Variants in DNAI1 observed in about 807,000 individuals in gnomAD.
DNAI1 encodes dynein, axonemal, intermediate polypeptide 1.
Under a neutral mutation model 92.0 loss-of-function variants are expected in DNAI1, and 67 were observed. That is an observed-to-expected ratio of 0.73 (90% CI 0.60 to 0.89). The LOEUF (loss-of-function observed/expected upper bound fraction) is 0.89, where lower values mean the gene tolerates loss of function less well. DNAI1 is among the 40% of genes least tolerant of loss of function. The probability of loss-of-function intolerance (pLI) is 0.00; values close to 1 mark genes in which losing one functional copy is unlikely to be tolerated. For missense variants in DNAI1, 839 were observed against 866.6 expected (o/e 0.97, Z 0.40); for synonymous variants, 323 against 319.6 (o/e 1.01, Z -0.11).
At chr9:34,495,892 C>T (rs1430961611) in intron 9 of DNAI1, among the ~76,000 whole-genome samples, 2 of 152,180 alleles carry the variant, frequency 1.3e-5, no homozygotes, top group African/African-American at 4.8e-5. Flanking sequence ...AGGTCCGTGA[C>T]TGCAAGACTC....
intron 1 of DNAI1, among the ~76,000 whole-genome samples, chr9:34,470,813 A>G (rs868121147): frequency 9.2e-5 from 14 of 152,234 alleles, no homozygotes; most frequent in African/African-American, 3.1e-4. Flanking sequence ...AGGATGAGCC[A>G]TATACTGGGA....
At chr9:34,490,612 A>G in intron 7 of DNAI1, 124 bp downstream of exon 7, 1 of 1,359,176 alleles carries the variant, frequency 7.4e-7, no homozygotes, top group Non-Finnish European at 1.0e-6. Context: ...CAGATGCTAC[A>G]GCTTATCTCC....
Position 34,517,486 on chromosome 9 carries a change from T to A in DNAI1, c.2001+19T>A, listed in dbSNP as rs144066349. The A allele has an allele frequency of 5.3e-4, 853 of 1,614,100 alleles. 6 individuals carry two copies. The African/African-American group carries it at 9.7e-3, about 18-fold the overall frequency. On this transcript the variant is annotated intron_variant, in intron 19 of 19. Transcript: ENST00000242317. ...GCCAAAGGTACAGGCTCTGGGACTT[T>A]GAGCTGCTGCAAGACGTAAAGTCTC...
intron 8 of DNAI1, among the ~76,000 whole-genome samples, chr9:34,492,503 T>G (rs1214445568): frequency 0.011 from 505 of 47,974 alleles, 36 homozygotes; most frequent in African/African-American, 0.026. Flanking sequence ...GATATATATA[T>G]ATATATATAT....
At chr9:34,467,063 C>T (rs976602212) in intron 1 of DNAI1, among the ~76,000 whole-genome samples, 2 of 152,190 alleles carry the variant, frequency 1.3e-5, no homozygotes, top group Admixed American at 6.5e-5. Context: ...AGGAGGTATT[C>T]TCTTTGCTCA....
At chr9:34,497,012 C>G in intron 9 of DNAI1, 103 bp from the exon 10 acceptor site, 1 of 892,664 alleles carries the variant, frequency 1.1e-6, no homozygotes, top group Non-Finnish European at 1.9e-6. Flanking sequence ...TGAGTAGTGC[C>G]AGAGAGCTAC....
Position 34,464,254 on chromosome 9 carries a change from TG to T in DNAI1, c.48+5202del, listed in dbSNP as rs202214314. ...GATCTTTTCAAACTGTCAATCTGAT[TG>T]TGCCATCCCCCACTCAGAACACTTC... is the stretch of plus-strand genomic sequence containing the variant. On this transcript the variant is annotated intron_variant, in intron 1 of 19. Coordinates refer to ENST00000242317, the MANE Select transcript of DNAI1 (RefSeq NM_012144.4). 6.8e-3 allele frequency among the ~76,000 whole-genome samples: 1,033 copies of T among 152,278 alleles called. 13 individuals carry two copies. Among genetic ancestry groups the T allele is most frequent in the African/African-American group, 0.023 (946 of 41,550 alleles).
At chr9:34,473,488 C>T (rs1225970057) in intron 1 of DNAI1, among the ~76,000 whole-genome samples, 1 of 151,990 alleles carries the variant, frequency 6.6e-6, no homozygotes, top group Non-Finnish European at 1.5e-5. Context: ...GACAGGGTTT[C>T]GCCCTGTTGG....
chr9:34,496,313 G>GC (rs1363444022), intron 9 of DNAI1, among the ~76,000 whole-genome samples: 1 of 152,214 alleles, frequency 6.6e-6, no homozygotes, highest in East Asian at 1.9e-4. Flanking sequence ...GGAGCCATGG[G>GC]CCTGGCCCCC....
intron 1 of DNAI1, among the ~76,000 whole-genome samples, chr9:34,463,409 T>G (rs1377039467): frequency 6.6e-6 from 1 of 152,232 alleles, no homozygotes; most frequent in Non-Finnish European, 1.5e-5. Context: ...TGCTTGAATG[T>G]CAGGAACCAT....
At chr9:34,487,264 C>A (rs1451503582) in intron 4 of DNAI1, among the ~76,000 whole-genome samples, 1 of 151,996 alleles carries the variant, frequency 6.6e-6, no homozygotes, top group Non-Finnish European at 1.5e-5. Flanking sequence ...CGCCTCACTG[C>A]AAGCTCCGCC....
chr9:34,514,413 G>A lies in DNAI1; in HGVS notation c.1589G>A (p.Ser530Asn), dbSNP rs1825131266. The A allele has an allele frequency of 2.5e-6, 4 of 1,614,114 alleles. No individual in the cohort carries two copies. The highest frequency in any genetic ancestry group is 1.6e-4 in the Middle Eastern group (1 of 6,062). The change falls in exon 17 of 20, where the codon AGC (serine) becomes AAC (asparagine). Residue 530 changes from serine (S) to asparagine (N), a missense_variant. Coordinates refer to ENST00000242317, the MANE Select transcript of DNAI1 (RefSeq NM_012144.4). ...GACCAGTGCTCTAAATCCTACTCCA[G>A]CCAATTCCTCGACACCTATGACGCC... ...KIYKCSKSYSSQFLDTYDAHN... is the reference protein window; with the variant it reads ...KIYKCSKSYSNQFLDTYDAHN...
At chr9:34,520,622 C>T (rs1185654486) in intron 19 of DNAI1, 36 bp from the exon 20 acceptor site, 3 of 1,539,180 alleles carry the variant, frequency 1.9e-6, no homozygotes, top group South Asian at 1.2e-5. Context: ...GGGGGGCCCA[C>T]CATTCCTCCC....
intron 1 of DNAI1, among the ~76,000 whole-genome samples, chr9:34,482,898 A>C (rs182207057): frequency 0.05 from 7,549 of 152,324 alleles, 274 homozygotes; most frequent in Non-Finnish European, 0.065. Flanking sequence ...GCAGGTCCCG[A>C]GCCCTGCCCC....
intron 1 of DNAI1, among the ~76,000 whole-genome samples, chr9:34,480,594 A>G (rs1824333139): frequency 6.6e-6 from 1 of 152,068 alleles, no homozygotes; most frequent in Non-Finnish European, 1.5e-5. Context: ...TTTCTTCTGA[A>G]AAACATTTTC....
chr9:34,462,273 ACT>A (rs1004211425), intron 1 of DNAI1, among the ~76,000 whole-genome samples: 1 of 152,156 alleles, frequency 6.6e-6, no homozygotes, highest in African/African-American at 2.4e-5. Flanking sequence ...TGATATTCAC[ACT>A]GTTTATCTCC....
At position 34,469,981 on chromosome 9, in the gene DNAI1, A is replaced by G. The variant is rs891770810; in HGVS notation, c.48+10928A>G. Among the ~76,000 whole-genome samples, 4 of 152,260 alleles carry G rather than the reference A, an allele frequency of 2.6e-5. No homozygotes were observed. The East Asian group carries it at 7.7e-4, about 29-fold the overall frequency. On this transcript the variant is annotated intron_variant, in intron 1 of 19. Coordinates refer to ENST00000242317, the MANE Select transcript of DNAI1 (RefSeq NM_012144.4). The stretch of plus-strand genomic sequence containing the variant: ...CTTACACTGTATACAGAAATAAAAT[A>G]TGTGACAACAATAGGGGAAAGGATG...
chr9:34,485,482 C>T lies in DNAI1; in HGVS notation c.226C>T (p.His76Tyr). 6.2e-7 allele frequency: 1 copy of T among 1,614,184 alleles called. No homozygotes were observed. The highest frequency in any genetic ancestry group is 8.5e-7 in the Non-Finnish European group (1 of 1,180,038). ...TCGGATTTTGACAGCCAACAACCCA[C>T]ACGCACCCCAGAACATTGTCAGGTA... Reference protein sequence around the residue: ...FTRILTANNPHAPQNIVRYSF... With the variant: ...FTRILTANNPYAPQNIVRYSF... Residue 76 changes from histidine to tyrosine, a missense_variant, in exon 4 of 20, where the codon CAC becomes TAC. Transcript: ENST00000242317.
chr9:34,472,094 G>T (rs1824147493), intron 1 of DNAI1, among the ~76,000 whole-genome samples: 2 of 152,126 alleles, frequency 1.3e-5, no homozygotes, highest in African/African-American at 4.8e-5. Context: ...GAACTCAATT[G>T]CCTTGCATGG....
Sources: allele counts gnomAD v4.1 joint callset (sites outside exome capture counted in the v4.1 genomes callset), GRCh38; gene constraint gnomAD v4.1.1; transcripts MANE v1.5; gene names NCBI Gene and HGNC (gene_info 2026-07-23, HGNC 2026-07-21).